Variants in NGFR observed in about 807,000 individuals in gnomAD.
The protein encoded by NGFR is nerve growth factor receptor, also known as tumor necrosis factor receptor superfamily member 16.
NGFR carries 30 observed loss-of-function variants against 43.2 expected under a neutral mutation model. The ratio of observed to expected loss-of-function variants is 0.69; its 90% CI spans 0.52 to 0.94. The LOEUF (loss-of-function observed/expected upper bound fraction) is 0.94. Ranked by LOEUF, NGFR falls within the 40% of genes least tolerant of loss-of-function variation. NGFR has a pLI of 0.00. For synonymous variants in NGFR, 246 were observed against 259.6 expected, an observed-to-expected ratio of 0.95 and a Z score of 0.50; for missense variants, 529 against 602.5, an observed-to-expected ratio of 0.88 and a Z score of 1.28.
chr17:49,506,700 G>GGGGGGGGGGGGGGGCCC, intron 3 of NGFR, 42 bp downstream of exon 3: 1 of 485,202 alleles, frequency 2.1e-6, no homozygotes, highest in Non-Finnish European at 3.2e-6. Context: ...GGGTGCGGGG[G>GGGGGGGGGGGGGGGCCC]TGGGCTGGGG....
intron 2 of NGFR, among the ~76,000 whole-genome samples, chr17:49,504,799 T>C (rs1448025126): frequency 2.2e-5 from 3 of 138,144 alleles, no homozygotes; most frequent in Non-Finnish European, 4.6e-5. Flanking sequence ...TTTGACAGCG[T>C]CTCACTCTGT....
At chr17:49,508,928 G>A (rs978984657) in intron 3 of NGFR, among the ~76,000 whole-genome samples, 2 of 152,162 alleles carry the variant, frequency 1.3e-5, no homozygotes, top group African/African-American at 4.8e-5. Flanking sequence ...TCTGGCTTGG[G>A]GTCAGTCTGA....
rs746284856 is a variant in NGFR, at chr17:49,506,412, C to G, written c.322C>G (p.Arg108Gly). The change falls in exon 3 of 6, where the codon CGC becomes GGC. Residue 108 changes from arginine to glycine, a missense_variant. Coordinates refer to ENST00000172229, the MANE Select transcript of NGFR (RefSeq NM_002507.4). ...PCVEADDAVC[R>G]CAYGYYQDET... ...CGTGGAGGCCGACGACGCCGTGTGC[C>G]GCTGCGCCTACGGCTACTACCAGGA... 1 of 1,604,940 alleles carries G rather than the reference C, an allele frequency of 6.2e-7. No homozygotes were observed. Among genetic ancestry groups the G allele is most frequent in the Non-Finnish European group, 8.5e-7 (1 of 1,178,236 alleles).
At chr17:49,502,018 C>CCCCCCCAGA in intron 1 of NGFR, 45 bp from the exon 2 acceptor site, 1 of 1,320,360 alleles carries the variant, frequency 7.6e-7, no homozygotes, top group Non-Finnish European at 1.0e-6. Context: ...CAACCCACCC[C>CCCCCCCAGA]AGCTTTCTCT....
Position 49,510,541 on chromosome 17 carries a change from C to T in NGFR, c.698C>T (p.Thr233Ile), listed in dbSNP as rs765775333. Reference sequence around the variant, plus strand: ...GCCAGCACGGTGGCAGGTGTGGTGACCACAGTGATGGGCAGCTCCCAGCCC... The same window carrying T: ...GCCAGCACGGTGGCAGGTGTGGTGATCACAGTGATGGGCAGCTCCCAGCCC... ...LIASTVAGVV[T>I]TVMGSSQPVV... Residue 233 changes from threonine (T) to isoleucine (I), a missense_variant, in exon 4 of 6, where the codon ACC becomes ATC. By Grantham distance (89) the Thr-to-Ile change is moderately conservative. Coordinates refer to ENST00000172229, the MANE Select transcript of NGFR (RefSeq NM_002507.4). 1.2e-6 allele frequency: 2 copies of T among 1,614,098 alleles called. No homozygotes were observed. Among genetic ancestry groups the T allele is most frequent in the East Asian group, 2.2e-5 (1 of 44,858 alleles).
chr17:49,511,115 TAA>T (rs34854378), intron 4 of NGFR: 15,070 of 129,730 alleles, frequency 0.12, 899 homozygotes, highest in East Asian at 0.26. Context: ...CCATTCTTTC[TAA>T]AAAAAAAAAA....
At chr17:49,499,527 C>T (rs1043620683) in intron 1 of NGFR, among the ~76,000 whole-genome samples, 62 of 152,124 alleles carry the variant, frequency 4.1e-4, no homozygotes, top group Admixed American at 2.9e-3. Context: ...CAGAGGCTTG[C>T]CTCCTCCTGG....
At chr17:49,506,773 G>A in intron 3 of NGFR, 115 bp downstream of exon 3, 2 of 1,083,926 alleles carry the variant, frequency 1.8e-6, no homozygotes, top group Non-Finnish European at 2.6e-6. Context: ...GGGGCAGCTT[G>A]GTGACCTTGA....
chr17:49,511,175 G>A (rs2071230026), intron 4 of NGFR: 2 of 149,078 alleles, frequency 1.3e-5, no homozygotes, highest in African/African-American at 5.0e-5. Context: ...ATGCAAACAA[G>A]ACCAATATCT....
chr17:49,495,789 C>G lies in NGFR; in HGVS notation c.66+306C>G. The G allele has an allele frequency of 2.9e-6, 1 of 347,462 alleles. No homozygotes were observed. Among genetic ancestry groups the G allele is most frequent in the Non-Finnish European group, 5.2e-6 (1 of 193,436 alleles). 21.5% of individuals were successfully genotyped at this position (347,462 alleles called of 1,614,324 possible). On this transcript the variant is annotated intron_variant, in intron 1 of 5. Transcript: ENST00000172229. The surrounding 1 kb of genome is among the most constrained non-coding windows in gnomAD (Gnocchi z 6.4). ...GAGGGGGCATGGGGCTCTCCGATGC[C>G]CAGGTTCTTCGGAAGAGGACACTCG...
intron 1 of NGFR, among the ~76,000 whole-genome samples, chr17:49,500,893 G>T (rs181674231): frequency 6.6e-6 from 1 of 152,242 alleles, no homozygotes; most frequent in Non-Finnish European, 1.5e-5. Context: ...TAAAAGGCTG[G>T]AGGGAAAGGA....
In NGFR at chr17:49,506,418, G is replaced by A. The variant is rs772662767; in HGVS notation, c.328G>A (p.Ala110Thr). 10 of 1,605,912 alleles carry A rather than the reference G, an allele frequency of 6.2e-6. No individual in the cohort carries two copies. The highest frequency in any genetic ancestry group is 7.6e-6 in the Non-Finnish European group (9 of 1,178,572). ...GGCCGACGACGCCGTGTGCCGCTGCGCCTACGGCTACTACCAGGATGAGAC... is the reference window on the plus strand; with the variant it reads ...GGCCGACGACGCCGTGTGCCGCTGCACCTACGGCTACTACCAGGATGAGAC... ...VEADDAVCRCAYGYYQDETTG... is the reference protein window; with the variant it reads ...VEADDAVCRCTYGYYQDETTG... The change falls in exon 3 of 6, where the codon GCC becomes ACC. Residue 110 changes from alanine to threonine, a missense_variant. Physicochemically the swap from Ala to Thr is moderately conservative, Grantham distance 58. Transcript: ENST00000172229.
chr17:49,512,173 G>T lies in NGFR; in HGVS notation c.982+121G>T. On this transcript the variant is annotated intron_variant, in intron 5 of 5. Coordinates refer to ENST00000172229, the MANE Select transcript of NGFR (RefSeq NM_002507.4). This position sits in a 1 kb window ranked among gnomAD's most constrained non-coding sequence, Gnocchi z 5.2. Reference sequence around the variant, plus strand: ...GCAGGGCTGGCTCAGCGGTGCCCCTGTAGATGGATGGAGAGGCTGGCCGAG... The same window carrying T: ...GCAGGGCTGGCTCAGCGGTGCCCCTTTAGATGGATGGAGAGGCTGGCCGAG... 8.1e-7 allele frequency: 1 copy of T among 1,236,398 alleles called. No homozygotes were observed. Among genetic ancestry groups the T allele is most frequent in the African/African-American group, 1.5e-5 (1 of 66,044 alleles). The allele number at this position is 1,236,398 out of a possible 1,614,324, so 76.6% of individuals were successfully genotyped here.
chr17:49,510,517 C>A lies in NGFR; in HGVS notation c.674C>A (p.Ala225Asp). 1 of 1,614,148 alleles carries A rather than the reference C, an allele frequency of 6.2e-7. No homozygotes were observed. The change falls in exon 4 of 6, where the codon GCC (alanine) becomes GAC (aspartate). Residue 225 changes from alanine (A) to aspartate (D), a missense_variant. Physicochemically the swap from Ala to Asp is moderately radical, Grantham distance 126. Coordinates refer to ENST00000172229, the MANE Select transcript of NGFR (RefSeq NM_002507.4). ...GCACCTCCAGAACAAGACCTCATAG[C>A]CAGCACGGTGGCAGGTGTGGTGACC... ...PEAPPEQDLI[A>D]STVAGVVTTV... is the part of the protein sequence containing the mutation.
At position 49,513,082 on chromosome 17, in the gene NGFR, C is replaced by A; in HGVS notation, c.*73C>A. 1 of 1,408,594 alleles carries A rather than the reference C, an allele frequency of 7.1e-7. No individual in the cohort carries two copies. The highest frequency in any genetic ancestry group is 9.3e-7 in the Non-Finnish European group (1 of 1,071,412). 87.3% of individuals were successfully genotyped at this position (1,408,594 alleles called of 1,614,324 possible). A position where few individuals can be genotyped will look rare whatever the true frequency, so the allele number is the denominator to read the frequency against. ...CTCCAGCCAACCCCTGTGGAGCCCG[C>A]ACCCCCACCCTTTGGGGGGGGCCCG... On this transcript the variant is annotated 3_prime_UTR_variant, in exon 6 of 6. Coordinates refer to ENST00000172229, the MANE Select transcript of NGFR (RefSeq NM_002507.4).
At chr17:49,501,721 T>C (rs527602296) in intron 1 of NGFR, among the ~76,000 whole-genome samples, 12 of 152,340 alleles carry the variant, frequency 7.9e-5, no homozygotes, top group African/African-American at 2.4e-4. Flanking sequence ...ATTCATGACA[T>C]CCCTGTTGGT....
intron 2 of NGFR, chr17:49,505,594 G>A (rs1192312142): frequency 2.6e-5 from 4 of 152,198 alleles, no homozygotes; most frequent in African/African-American, 9.7e-5. Context: ...TGATCATATA[G>A]TTGTGCAGCT....
intron 2 of NGFR, among the ~76,000 whole-genome samples, chr17:49,502,602 G>A (rs1284727925): frequency 1.3e-5 from 2 of 152,154 alleles, no homozygotes; most frequent in Admixed American, 1.3e-4. Flanking sequence ...GGGAGAGGAG[G>A]ATCAAATCCT....
At chr17:49,510,912 G>C (rs751658274) in intron 4 of NGFR, 1 of 522,012 alleles carries the variant, frequency 1.9e-6, no homozygotes, top group Non-Finnish European at 3.5e-6. Flanking sequence ...CTCCCATGCC[G>C]CACCACTCCC....
Sources: allele counts gnomAD v4.1 joint callset (sites outside exome capture counted in the v4.1 genomes callset), GRCh38; gene constraint gnomAD v4.1.1; non-coding constraint Gnocchi (gnomAD v3.1); transcripts MANE v1.5; gene names NCBI Gene and HGNC (gene_info 2026-07-23, HGNC 2026-07-21).